The following RNF150 variants were observed in gnomAD, a reference collection of about 807,000 sequenced individuals.
RNF150 encodes the protein ring finger protein 150.
RNF150 carries 24 observed loss-of-function variants against 39.3 expected under a neutral mutation model. The observed-to-expected ratio is 0.61, with a 90% CI of 0.44 to 0.86. The LOEUF (loss-of-function observed/expected upper bound fraction) is 0.86, where lower values mean the gene tolerates loss of function less well. RNF150 is among the 40% of genes least tolerant of loss of function. RNF150 has a pLI of 0.00. For missense variants in RNF150, 502 were observed against 587.8 expected (o/e 0.85, Z 1.51); for synonymous variants, 255 against 227.3 (o/e 1.12, Z -1.10).
At chr4:140,942,585 G>T (rs527849927) in intron 4 of RNF150, among the ~76,000 whole-genome samples, 2 of 152,154 alleles carry the variant, frequency 1.3e-5, no homozygotes, top group African/African-American at 4.8e-5. Flanking sequence ...AACTATATGC[G>T]GTATGAGTCG....
intron 1 of RNF150, among the ~76,000 whole-genome samples, chr4:141,006,131 A>C (rs1734860940): frequency 1.3e-5 from 2 of 151,900 alleles, no homozygotes; most frequent in South Asian, 4.1e-4. Context: ...TACCACTTTA[A>C]TCTTGGAATG....
At chr4:141,058,185 C>A (rs1265189773) in intron 1 of RNF150, among the ~76,000 whole-genome samples, 2 of 151,404 alleles carry the variant, frequency 1.3e-5, no homozygotes, top group East Asian at 3.9e-4. Context: ...TTAAAGTAAA[C>A]CTTTAATAAT....
intron 2 of RNF150, among the ~76,000 whole-genome samples, chr4:140,957,811 A>T (rs1732832380): frequency 6.6e-6 from 1 of 151,192 alleles, no homozygotes; most frequent in South Asian, 2.1e-4. Flanking sequence ...CAAAAAACCA[A>T]ACACCGCATA....
At position 140,901,860 on chromosome 4, in the gene RNF150, G is replaced by A. The variant is rs143122163; in HGVS notation, c.1198+9284C>T. Among the ~76,000 whole-genome samples, 218 of 152,288 alleles carry A rather than the reference G, an allele frequency of 1.4e-3. 1 individual carries two copies. Among genetic ancestry groups the A allele is most frequent in the African/African-American group, 5.1e-3 (214 of 41,558 alleles). The stretch of plus-strand genomic sequence containing the variant: ...ATGAGATGTGCTTGAAGGATACATA[G>A]GATTTGGCAGGTGGAGGGAGAAGCA... On this transcript the variant is annotated intron_variant, in intron 6 of 6. Coordinates refer to ENST00000515673, the MANE Select transcript of RNF150 (RefSeq NM_020724.2).
intron 1 of RNF150, among the ~76,000 whole-genome samples, chr4:141,085,155 G>A (rs1738312653): frequency 6.6e-6 from 1 of 152,182 alleles, no homozygotes; most frequent in African/African-American, 2.4e-5. Flanking sequence ...GGTGAAGGAG[G>A]AGCAAAGGCA....
intron 5 of RNF150, among the ~76,000 whole-genome samples, chr4:140,915,188 C>A (rs2111285850): frequency 6.6e-6 from 1 of 152,260 alleles, no homozygotes; most frequent in East Asian, 1.9e-4. Flanking sequence ...GAACAGACAT[C>A]AGTTATCAGA....
chr4:140,926,030 G>A lies in RNF150; in HGVS notation c.934C>T (p.His312Tyr). Residue 312 changes from histidine (H) to tyrosine (Y), a missense_variant, in exon 5 of 7, where the codon CAT (histidine) becomes TAT (tyrosine). Transcript: ENST00000515673. ...KSCVDPWLLD[H>Y]RTCPMCKMNI... ...ATCTTGCACATGGGACAGGTACGAT[G>A]GTCTAGAAGCCAGGGGTCAACACAG... 1 of 1,614,018 alleles carries A rather than the reference G, an allele frequency of 6.2e-7. No individual in the cohort carries two copies. Among genetic ancestry groups the A allele is most frequent in the Non-Finnish European group, 8.5e-7 (1 of 1,179,894 alleles).
intron 5 of RNF150, among the ~76,000 whole-genome samples, chr4:140,913,841 T>C (rs150682112): frequency 4.8e-4 from 73 of 152,352 alleles, no homozygotes; most frequent in African/African-American, 1.5e-3. Context: ...TTGGGCATGA[T>C]CTGCCCTAAA....
chr4:141,015,654 A>C (rs1289685631), intron 1 of RNF150, among the ~76,000 whole-genome samples: 2 of 151,996 alleles, frequency 1.3e-5, no homozygotes, highest in South Asian at 4.1e-4. Flanking sequence ...TTTTTCATGG[A>C]GTCTTTAGGG....
chr4:141,178,259 T>C (rs1727849418), intron 1 of RNF150, among the ~76,000 whole-genome samples: 1 of 152,110 alleles, frequency 6.6e-6, no homozygotes. Context: ...TGTGTGTGTG[T>C]GTGCGTGCGC....
intron 1 of RNF150, among the ~76,000 whole-genome samples, chr4:141,148,991 T>C (rs916109319): frequency 1.3e-5 from 2 of 152,098 alleles, no homozygotes; most frequent in African/African-American, 2.4e-5. Flanking sequence ...GCCTTGGGGA[T>C]TGAGTGGGGA....
intron 1 of RNF150, among the ~76,000 whole-genome samples, chr4:141,161,950 C>G (rs2111159047): frequency 6.6e-6 from 1 of 152,314 alleles, no homozygotes; most frequent in Admixed American, 6.5e-5. Flanking sequence ...TATGGAGAAC[C>G]TCTACTAGGG....
rs1219327526 is a variant in RNF150, at chr4:140,860,093, T to A, written c.*8168A>T. On this transcript the variant is annotated 3_prime_UTR_variant, in exon 7 of 7. Transcript: ENST00000515673. ...AGAATAGAATAAAGCAAAATAAAAG[T>A]CTGTGTCTCCTAATAGAAGACAAAT... 6.6e-6 allele frequency: 1 copy of A among 151,880 alleles called. No individual in the cohort carries two copies. The highest frequency in any genetic ancestry group is 1.5e-5 in the Non-Finnish European group (1 of 67,974). The allele number at this position is 151,880 out of a possible 1,614,324, so 9.4% of individuals were successfully genotyped here.
At chr4:140,868,753 C>T (rs1006847881) in intron 6 of RNF150, among the ~76,000 whole-genome samples, 2 of 152,040 alleles carry the variant, frequency 1.3e-5, no homozygotes, top group Non-Finnish European at 2.9e-5. Context: ...AAAGGCATAT[C>T]AAACTCAGGA....
At chr4:140,868,481 G>A in intron 6 of RNF150, 102 bp from the exon 7 acceptor site, 2 of 727,144 alleles carry the variant, frequency 2.8e-6, no homozygotes, top group South Asian at 1.8e-5. Context: ...TAAAGGCCAA[G>A]AGAAGGTATT....
intron 1 of RNF150, among the ~76,000 whole-genome samples, chr4:141,111,147 T>C: frequency 6.6e-6 from 1 of 152,158 alleles, no homozygotes; most frequent in East Asian, 1.9e-4. Context: ...AGTGCCAAGG[T>C]TGAGAACCAT....
intron 1 of RNF150, among the ~76,000 whole-genome samples, chr4:141,054,549 G>A (rs921123872): frequency 5.3e-5 from 8 of 152,066 alleles, no homozygotes; most frequent in African/African-American, 1.9e-4. Context: ...TCACACTTCA[G>A]TTCTAAAAAT....
At chr4:140,987,479 T>C (rs1734053531) in intron 1 of RNF150, among the ~76,000 whole-genome samples, 1 of 152,092 alleles carries the variant, frequency 6.6e-6, no homozygotes, top group African/African-American at 2.4e-5. Context: ...TATTGCCATC[T>C]ATCTTTGACA....
intron 1 of RNF150, among the ~76,000 whole-genome samples, chr4:141,206,370 G>T (rs1313083395): frequency 7.0e-6 from 1 of 143,052 alleles, no homozygotes; most frequent in Admixed American, 7.4e-5. Context: ...AGTGAGCCAA[G>T]ATCGCAGCAT....
Sources: allele counts gnomAD v4.1 joint callset (sites outside exome capture counted in the v4.1 genomes callset), GRCh38; gene constraint gnomAD v4.1.1; transcripts MANE v1.5; gene names NCBI Gene and HGNC (gene_info 2026-07-23, HGNC 2026-07-21).